DLGAP2: variants seen among roughly 807,000 people sequenced by gnomAD.
DLGAP2 encodes the protein DLG associated protein 2, also known as disks large-associated protein 2.
DLGAP2 carries 26 observed loss-of-function variants against 100.3 expected under a neutral mutation model. The ratio of observed to expected loss-of-function variants is 0.26; its 90% confidence interval spans 0.19 to 0.36. The LOEUF (loss-of-function observed/expected upper bound fraction) is 0.36, where lower values mean the gene tolerates loss of function less well. Ranked by LOEUF, DLGAP2 falls within the 10% of genes least tolerant of loss-of-function variation. The pLI is 1.00. For synonymous variants in DLGAP2, 886 were observed against 630.1 expected, an observed-to-expected ratio of 1.41 and a Z score of -6.08; for missense variants, 1,858 against 1,453.2, an observed-to-expected ratio of 1.28 and a Z score of -4.53.
intron 3 of DLGAP2, among the ~76,000 whole-genome samples, chr8:1,262,195 C>G (rs1203914184): frequency 6.6e-6 from 1 of 152,164 alleles, no homozygotes; most frequent in Non-Finnish European, 1.5e-5. Flanking sequence ...TGCTGGAGAC[C>G]TCAGAATTCT....
chr8:919,745 C>T (rs1798669749), intron 2 of DLGAP2, among the ~76,000 whole-genome samples: 1 of 152,112 alleles, frequency 6.6e-6, no homozygotes, highest in Non-Finnish European at 1.5e-5. Context: ...GCCGTGCTCG[C>T]CACCACCCGC....
At chr8:949,301 C>T (rs572970029) in intron 2 of DLGAP2, among the ~76,000 whole-genome samples, 1 of 152,256 alleles carries the variant, frequency 6.6e-6, no homozygotes, top group South Asian at 2.1e-4. Context: ...GCGGACCAGG[C>T]CGTTGGGCGT....
At chr8:779,860 A>T (rs1005602036) in intron 1 of DLGAP2, among the ~76,000 whole-genome samples, 1 of 151,890 alleles carries the variant, frequency 6.6e-6, no homozygotes, top group Non-Finnish European at 1.5e-5. Context: ...TTAATTATAA[A>T]TTTATATTTT....
intron 2 of DLGAP2, among the ~76,000 whole-genome samples, chr8:1,174,661 GTCA>G (rs370007353): frequency 2.1e-4 from 30 of 146,096 alleles, no homozygotes; most frequent in African/African-American, 7.3e-4. Flanking sequence ...TACCATCATT[GTCA>G]TCATCACCAT....
intron 2 of DLGAP2, among the ~76,000 whole-genome samples, chr8:1,155,425 CG>C (rs1202251016): frequency 6.6e-6 from 1 of 152,178 alleles, no homozygotes; most frequent in Admixed American, 6.5e-5. Context: ...GGGATCGCGG[CG>C]GGCGCACCGG....
At chr8:1,436,154 A>C (rs1797618502) in intron 3 of DLGAP2, among the ~76,000 whole-genome samples, 1 of 152,202 alleles carries the variant, frequency 6.6e-6, no homozygotes, top group Non-Finnish European at 1.5e-5. Context: ...TCCCACCACA[A>C]GCCGTCTGCA....
intron 1 of DLGAP2, among the ~76,000 whole-genome samples, chr8:834,265 G>A (rs762768384): frequency 6.8e-4 from 104 of 152,184 alleles, no homozygotes; most frequent in Non-Finnish European, 5.1e-4. Flanking sequence ...TGCCCCTCAC[G>A]TGGGGCAGAG....
chr8:897,853 C>G (rs1304500305), intron 1 of DLGAP2, among the ~76,000 whole-genome samples: 2 of 152,174 alleles, frequency 1.3e-5, no homozygotes. Context: ...GCTCCTTCCC[C>G]CAGGGCTGTG....
In DLGAP2 at chr8:1,340,717, C is replaced by T. The variant is rs183367600; in HGVS notation, c.106+81834C>T. 2.4e-3 allele frequency among the ~76,000 whole-genome samples: 359 copies of T among 152,268 alleles called. 4 individuals are homozygous for T. Among genetic ancestry groups the T allele is most frequent in the Non-Finnish European group, 2.3e-3 (158 of 68,030 alleles). ...ACAAACACCATTGGACTCAGCAATG[C>T]CATTAGTGGGTATAGACCCAAAGGA... On this transcript the variant is annotated intron_variant, in intron 3 of 14. Coordinates refer to ENST00000637795, the MANE Select transcript of DLGAP2 (RefSeq NM_001346810.2).
intron 2 of DLGAP2, among the ~76,000 whole-genome samples, chr8:1,119,581 T>C (rs1202035500): frequency 1.3e-5 from 2 of 152,380 alleles, no homozygotes; most frequent in Non-Finnish European, 2.9e-5. Flanking sequence ...CTGAGGCTTC[T>C]GGGTGCCGTG....
At chr8:1,511,639 A>G (rs1009278691) in intron 4 of DLGAP2, among the ~76,000 whole-genome samples, 3 of 151,520 alleles carry the variant, frequency 2.0e-5, no homozygotes, top group Admixed American at 2.0e-4. Context: ...CAATCAGTAG[A>G]TGACCATCTT....
At chr8:1,184,332 G>A (rs76646907) in intron 2 of DLGAP2, among the ~76,000 whole-genome samples, 5,493 of 152,342 alleles carry the variant, frequency 0.036, 370 homozygotes, top group African/African-American at 0.13. Context: ...TGGGAGATGC[G>A]TCCGAAACGC....
At chr8:1,377,835 A>T (rs1795994429) in intron 3 of DLGAP2, 1 of 152,410 alleles carries the variant, frequency 6.6e-6, no homozygotes, top group East Asian at 1.9e-4. Flanking sequence ...GAGCATAGGC[A>T]CGGAAGTGTG....
intron 2 of DLGAP2, among the ~76,000 whole-genome samples, chr8:1,188,231 T>G (rs1330182456): frequency 2.0e-5 from 1 of 49,742 alleles, no homozygotes; most frequent in African/African-American, 1.3e-4. Context: ...CGCCCGGGAC[T>G]TCCGTGACGT....
intron 3 of DLGAP2, among the ~76,000 whole-genome samples, chr8:1,485,784 G>T (rs942282501): frequency 2.6e-5 from 4 of 152,184 alleles, no homozygotes; most frequent in African/African-American, 9.7e-5. Flanking sequence ...CAGCACTTTG[G>T]GAGGCTGAGG....
At chr8:1,454,820 C>CCTT (rs2130126032) in intron 3 of DLGAP2, among the ~76,000 whole-genome samples, 1 of 152,268 alleles carries the variant, frequency 6.6e-6, no homozygotes, top group African/African-American at 2.4e-5. Context: ...AGCACTCAGA[C>CCTT]CTTCGATACC....
At chr8:1,378,154 C>T (rs540136643) in intron 3 of DLGAP2, 1 of 161,576 alleles carries the variant, frequency 6.2e-6, no homozygotes, top group South Asian at 1.4e-4. Flanking sequence ...CTGACTTTGT[C>T]TGTCTGTCCT....
intron 2 of DLGAP2, among the ~76,000 whole-genome samples, chr8:1,256,913 T>C (rs1479626417): frequency 6.6e-6 from 1 of 151,890 alleles, no homozygotes; most frequent in Non-Finnish European, 1.5e-5. Flanking sequence ...GTGGCTGGGA[T>C]AGAGGTGGCC....
At chr8:1,231,263 A>C (rs1034607207) in intron 2 of DLGAP2, among the ~76,000 whole-genome samples, 13 of 152,252 alleles carry the variant, frequency 8.5e-5, no homozygotes, top group African/African-American at 3.1e-4. Flanking sequence ...ATTGTTATAG[A>C]AATGTAAATC....
Sources: allele counts gnomAD v4.1 joint callset (sites outside exome capture counted in the v4.1 genomes callset), GRCh38; gene constraint gnomAD v4.1.1; transcripts MANE v1.5; gene names NCBI Gene and HGNC (gene_info 2026-07-23, HGNC 2026-07-21).